UTP15: variants seen among roughly 807,000 people sequenced by gnomAD.
UTP15 encodes the protein U3 small nucleolar RNA-associated protein 15 homolog.
Under a neutral mutation model 59.1 loss-of-function variants are expected in UTP15, and 5 were observed. That is an observed-to-expected ratio of 0.08 (90% CI 0.04 to 0.18). The LOEUF (loss-of-function observed/expected upper bound fraction) is 0.18, where lower values mean the gene tolerates loss of function less well. Ranked by LOEUF, UTP15 falls within the 10% of genes least tolerant of loss-of-function variation. The pLI, the probability that UTP15 is intolerant of heterozygous loss-of-function variation, is 1.00. For synonymous variants in UTP15, 211 were observed against 212.2 expected (o/e 0.99, Z 0.05); for missense variants, 494 against 616.7 (o/e 0.80, Z 2.11).
At position 73,569,705 on chromosome 5, in the gene UTP15, A is replaced by G. The variant is rs187896363; in HGVS notation, c.547+30A>G. The G allele has an allele frequency of 5.7e-5, 87 of 1,522,416 alleles. No individual in the cohort carries two copies. The African/African-American group carries it at 1.1e-3, about 20-fold the overall frequency. The allele number at this position is 1,522,416 out of a possible 1,614,324, so 94.3% of individuals were successfully genotyped here. On this transcript the variant is annotated intron_variant, in intron 5 of 12. Transcript: ENST00000296792. ...GTGAACTCTATTCCCTCCTGAAGCAAATAATCTCACGGGGATGTACTTTAA... is the reference window on the plus strand; with the variant it reads ...GTGAACTCTATTCCCTCCTGAAGCAGATAATCTCACGGGGATGTACTTTAA...
At chr5:73,567,591 T>C (rs921638286) in intron 2 of UTP15, 157 bp downstream of exon 2, 8 of 499,954 alleles carry the variant, frequency 1.6e-5, no homozygotes, top group Non-Finnish European at 2.1e-5. Flanking sequence ...TATTTTTTCT[T>C]GGAATTTTAT....
At chr5:73,568,853 GC>G (rs139123803) in intron 4 of UTP15, among the ~76,000 whole-genome samples, 3,432 of 152,258 alleles carry the variant, frequency 0.023, 124 homozygotes, top group African/African-American at 0.078. Flanking sequence ...CTACTCTGTA[GC>G]TTTTGGTTAA....
chr5:73,574,104 C>A (rs1386486552), intron 7 of UTP15, among the ~76,000 whole-genome samples: 4 of 151,960 alleles, frequency 2.6e-5, no homozygotes, highest in Admixed American at 6.6e-5. Flanking sequence ...GGGAGGATCA[C>A]TTGAGGCCAG....
At chr5:73,576,797 A>G (rs1748111022) in intron 7 of UTP15, among the ~76,000 whole-genome samples, 155 bp from the exon 8 acceptor site, 1 of 152,220 alleles carries the variant, frequency 6.6e-6, no homozygotes, top group African/African-American at 2.4e-5. Flanking sequence ...TAAGGGATTC[A>G]GTGATGAATT....
At position 73,568,365 on chromosome 5, in the gene UTP15, A is replaced by G. The variant is rs746104478; in HGVS notation, c.183+38A>G. ...TTAAATTTCTTTATTTTTCTTTTGT[A>G]TAGTTTACTACTGATCTTGAGCCAT... On this transcript the variant is annotated intron_variant, in intron 3 of 12. Transcript: ENST00000296792. 30 of 1,587,758 alleles carry G rather than the reference A, an allele frequency of 1.9e-5. No individual in the cohort carries two copies. In the East Asian group the frequency reaches 5.8e-4, roughly 31 times the overall value.
rs983211943 is a variant in UTP15 at position 73,580,579 on chromosome 5, G to C, written c.*485G>C. The C allele has an allele frequency of 6.5e-6, 1 of 152,740 alleles. No individual in the cohort carries two copies. The highest frequency in any genetic ancestry group is 2.4e-5 in the African/African-American group (1 of 41,416). The allele number at this position is 152,740 out of a possible 1,614,324, so 9.5% of individuals were successfully genotyped here. ...GGATTTCTAGGCCCTTGCTTAGCTTGCTTCCTGTCTCCTTGATATCTACAC... is the reference window on the plus strand; with the variant it reads ...GGATTTCTAGGCCCTTGCTTAGCTTCCTTCCTGTCTCCTTGATATCTACAC... On this transcript the variant is annotated 3_prime_UTR_variant, in exon 13 of 13. Transcript: ENST00000296792.
chr5:73,577,732 T>G, intron 8 of UTP15, 124 bp from the exon 9 acceptor site: 1 of 803,096 alleles, frequency 1.2e-6, no homozygotes, highest in East Asian at 2.9e-5. Context: ...ACTATGTGTA[T>G]TTGAATGGAA....
chr5:73,582,069 CAT>C lies in UTP15; in HGVS notation c.*1976_*1977del, dbSNP rs1359420727. ...GCTGTAGTTGCCGTCAATTGTGTAA[CAT>C]GTGACAAAGGTTTTCCCATATGTCA... On this transcript the variant is annotated 3_prime_UTR_variant, in exon 13 of 13. Transcript: ENST00000296792. The C allele has an allele frequency of 5.9e-5, 9 of 152,294 alleles. No homozygotes were observed. Among genetic ancestry groups the C allele is most frequent in the Non-Finnish European group, 8.8e-5 (6 of 68,026 alleles). 9.4% of individuals were successfully genotyped at this position (152,294 alleles called of 1,614,324 possible).
chr5:73,577,925 G>A lies in UTP15; in HGVS notation c.964G>A (p.Ala322Thr). 1 of 1,591,694 alleles carries A rather than the reference G, an allele frequency of 6.3e-7. No homozygotes were observed. The highest frequency in any genetic ancestry group is 2.3e-5 in the East Asian group (1 of 43,420). The change falls in exon 9 of 13, where the codon GCA becomes ACA. Residue 322 changes from alanine to threonine, a missense_variant. Physicochemically the swap from Ala to Thr is moderately conservative, Grantham distance 58 (BLOSUM62 0). Coordinates refer to ENST00000296792, the MANE Select transcript of UTP15 (RefSeq NM_032175.4). ...ILSVKHRKSE[A>T]KKESLPRRRR... is the part of the protein sequence containing the mutation. ...GAGTGTTAAACATCGGAAATCTGAA[G>A]CAAAGAAGGAATCACTTCCCAGAAG...
chr5:73,570,861 T>C, intron 6 of UTP15, 150 bp downstream of exon 6: 1 of 1,111,738 alleles, frequency 9.0e-7, no homozygotes, highest in Non-Finnish European at 1.3e-6. Context: ...GGCAAGCAGT[T>C]ATCATTTATT....
At position 73,577,947 on chromosome 5, in the gene UTP15, G is replaced by A; in HGVS notation, c.986G>A (p.Arg329Lys). Residue 329 changes from arginine (R) to lysine (K), a missense_variant, in exon 9 of 13, where the codon AGA (arginine) becomes AAA (lysine). Arg to Lys is a conservative substitution (Grantham distance 26). Coordinates refer to ENST00000296792, the MANE Select transcript of UTP15 (RefSeq NM_032175.4). The part of the protein sequence containing the change: ...KSEAKKESLP[R>K]RRRPAYRTFI... Reference sequence around the variant, plus strand: ...GAAGCAAAGAAGGAATCACTTCCCAGAAGAAGAAGGCCTGCATATCGAACC... The same window carrying A: ...GAAGCAAAGAAGGAATCACTTCCCAAAAGAAGAAGGCCTGCATATCGAACC... 1 of 1,587,712 alleles carries A rather than the reference G, an allele frequency of 6.3e-7. No homozygotes were observed.
At chr5:73,570,770 A>G in intron 6 of UTP15, 59 bp downstream of exon 6, 1 of 1,598,448 alleles carries the variant, frequency 6.3e-7, no homozygotes, top group Non-Finnish European at 8.5e-7. Context: ...TTTGTTTAAA[A>G]TCAGTTGCTC....
chr5:73,581,971 T>TA lies in UTP15; in HGVS notation c.*1882dup, dbSNP rs1748332344. On this transcript the variant is annotated 3_prime_UTR_variant, in exon 13 of 13. Transcript: ENST00000296792. ...TAAAGTTTCTATTTAAAAACCTTTT[T>TA]AAAAAGTTAACATCATAAATATTCT... 6.6e-6 allele frequency: 1 copy of TA among 152,192 alleles called. No homozygotes were observed. Among genetic ancestry groups the TA allele is most frequent in the Admixed American group, 6.6e-5 (1 of 15,264 alleles). 9.4% of individuals were successfully genotyped at this position (152,192 alleles called of 1,614,324 possible).
chr5:73,575,440 A>G (rs1313853671), intron 7 of UTP15, among the ~76,000 whole-genome samples: 3 of 152,238 alleles, frequency 2.0e-5, no homozygotes, highest in Admixed American at 2.0e-4. Flanking sequence ...GCTGCTAAAC[A>G]TCCTACAATG....
intron 7 of UTP15, among the ~76,000 whole-genome samples, chr5:73,574,085 G>A (rs1748019423): frequency 6.6e-6 from 1 of 152,026 alleles, no homozygotes; most frequent in South Asian, 2.1e-4. Context: ...TGCTTTGGGA[G>A]GCTGAGGTGG....
rs1323696030 is a variant in UTP15, at chr5:73,581,391, T to C, written c.*1297T>C. The C allele has an allele frequency of 1.3e-5, 2 of 152,176 alleles. No homozygotes were observed. Among genetic ancestry groups the C allele is most frequent in the Non-Finnish European group, 2.9e-5 (2 of 68,038 alleles). The allele number at this position is 152,176 out of a possible 1,614,324, so 9.4% of individuals were successfully genotyped here. On this transcript the variant is annotated 3_prime_UTR_variant, in exon 13 of 13. Transcript: ENST00000296792. ...TTTATAAAGAGAGATTCTTATTTTC[T>C]TGGCTTTTTGATGTATCTGTTCCTG...
chr5:73,581,922 T>A lies in UTP15; in HGVS notation c.*1828T>A, dbSNP rs182322416. On this transcript the variant is annotated 3_prime_UTR_variant, in exon 13 of 13. Transcript: ENST00000296792. ...CAAGATCAGAAGCTGGGTTTTGGGG[T>A]TGAGAAGAGTTCATTTATTTAAATA... 302 of 152,232 alleles carry A rather than the reference T, an allele frequency of 2.0e-3. No homozygotes were observed. Among genetic ancestry groups the A allele is most frequent in the African/African-American group, 7.0e-3 (289 of 41,544 alleles). The allele number at this position is 152,232 out of a possible 1,614,324, so 9.4% of individuals were successfully genotyped here. A position where few individuals can be genotyped will look rare whatever the true frequency, so the allele number is the denominator to read the frequency against.
rs747267013 is a variant in UTP15, at chr5:73,577,845, A to T, written c.895-11A>T. 19 of 1,571,826 alleles carry T rather than the reference A, an allele frequency of 1.2e-5. No individual in the cohort carries two copies. Among genetic ancestry groups the T allele is most frequent in the Middle Eastern group, 1.7e-4 (1 of 5,930 alleles). On this transcript the variant is annotated splice_polypyrimidine_tract_variant and intron_variant, in intron 8 of 12. Transcript: ENST00000296792. ...AAGAATAGACTAACTTATTTTTCTAATTGTTATTAGCATGAAGATGAGACA... is the reference window on the plus strand; with the variant it reads ...AAGAATAGACTAACTTATTTTTCTATTTGTTATTAGCATGAAGATGAGACA...
rs547405967 is a variant in UTP15 at position 73,568,865 on chromosome 5, C to G, written c.368+261C>G. Among the ~76,000 whole-genome samples the G allele has an allele frequency of 2.6e-5, 4 of 152,128 alleles. No individual in the cohort carries two copies. The South Asian group carries it at 8.3e-4, about 32-fold the overall frequency. ...GAGCTACTCTGTAGCTTTTGGTTAA[C>G]TTTAGTGGGGTCTGTGGCCCAGCTG... On this transcript the variant is annotated intron_variant, in intron 4 of 12. Transcript: ENST00000296792.
Sources: allele counts gnomAD v4.1 joint callset (sites outside exome capture counted in the v4.1 genomes callset), GRCh38; gene constraint gnomAD v4.1.1; transcripts MANE v1.5; gene names NCBI Gene and HGNC (gene_info 2026-07-23, HGNC 2026-07-21).